Variants in BEND6 observed in about 807,000 individuals in gnomAD.
The protein encoded by BEND6 is BEN domain containing 6.
A neutral mutation model predicts 31.8 loss-of-function variants in BEND6; 24 were observed. The observed-to-expected ratio is 0.75, with a 90% CI of 0.55 to 1.06. The LOEUF is 1.06. BEND6 is among the 50% of genes least tolerant of loss of function. BEND6 has a pLI of 0.00. For synonymous variants in BEND6, 109 were observed against 114.6 expected, an observed-to-expected ratio of 0.95 and a Z score of 0.31; for missense variants, 294 against 327.4, an observed-to-expected ratio of 0.90 and a Z score of 0.79.
At chr6:56,956,015 A>C (rs1190579416) in intron 1 of BEND6, among the ~76,000 whole-genome samples, 5 of 152,232 alleles carry the variant, frequency 3.3e-5, no homozygotes, top group Admixed American at 6.5e-5. Flanking sequence ...GGCCACGGCC[A>C]CCTGGCCAGG....
chr6:57,018,567 T>C lies in BEND6; in HGVS notation c.*9+10T>C, dbSNP rs769781166. 3.3e-6 allele frequency: 5 copies of C among 1,502,358 alleles called. No homozygotes were observed. The highest frequency in any genetic ancestry group is 1.8e-4 in the Middle Eastern group (1 of 5,570). 93.1% of individuals were successfully genotyped at this position (1,502,358 alleles called of 1,614,324 possible). On this transcript the variant is annotated intron_variant, in intron 6 of 6. Coordinates refer to ENST00000370746, the MANE Select transcript of BEND6 (RefSeq NM_152731.3). ...TAAATAGATCCTTTTGGTAAGTCTT[T>C]TAAATCTTCAGTCCTTTCAATGTGG...
At chr6:56,966,760 G>A (rs908508458) in intron 1 of BEND6, among the ~76,000 whole-genome samples, 1 of 152,156 alleles carries the variant, frequency 6.6e-6, no homozygotes, top group Non-Finnish European at 1.5e-5. Context: ...CAAAGGCTGG[G>A]TCATTTAGCA....
At chr6:56,981,668 T>C in intron 1 of BEND6, 43 bp from the exon 2 acceptor site, 2 of 835,954 alleles carry the variant, frequency 2.4e-6, no homozygotes, top group South Asian at 3.2e-5. Context: ...AAACATACAG[T>C]TGTGAATATG....
At chr6:57,017,080 T>A (rs923608327) in intron 4 of BEND6, 127 bp from the exon 5 acceptor site, 5 of 309,604 alleles carry the variant, frequency 1.6e-5, no homozygotes, top group African/African-American at 8.9e-5. Flanking sequence ...TATATTAAAA[T>A]ATATATATAA....
intron 3 of BEND6, among the ~76,000 whole-genome samples, chr6:57,013,595 C>T (rs1187369352): frequency 6.6e-6 from 1 of 152,122 alleles, no homozygotes; most frequent in Non-Finnish European, 1.5e-5. Context: ...TGACTTGGCC[C>T]CACCGTGAGT....
Position 57,017,407 on chromosome 6 carries a change from T to C in BEND6, c.712+8T>C. On this transcript the variant is annotated splice_region_variant and intron_variant, in intron 5 of 6. Coordinates refer to ENST00000370746, the MANE Select transcript of BEND6 (RefSeq NM_152731.3). Reference sequence around the variant, plus strand: ...AAGTCCAAGAAATCATAGGTGATAATATGATTGCGTTATATTGTCGTATGA... The same window carrying C: ...AAGTCCAAGAAATCATAGGTGATAACATGATTGCGTTATATTGTCGTATGA... 1 of 1,339,302 alleles carries C rather than the reference T, an allele frequency of 7.5e-7. No homozygotes were observed. Among genetic ancestry groups the C allele is most frequent in the Non-Finnish European group, 9.7e-7 (1 of 1,034,648 alleles). 83.0% of individuals were successfully genotyped at this position (1,339,302 alleles called of 1,614,324 possible).
chr6:57,001,028 G>A (rs1323911890), intron 3 of BEND6, among the ~76,000 whole-genome samples: 3 of 150,068 alleles, frequency 2.0e-5, no homozygotes, highest in African/African-American at 4.9e-5. Flanking sequence ...GAAAAAAAAA[G>A]AAAAAAATCA....
chr6:56,965,765 A>G (rs749836851), intron 1 of BEND6, among the ~76,000 whole-genome samples: 11 of 150,892 alleles, frequency 7.3e-5, no homozygotes, highest in Non-Finnish European at 1.6e-4. Context: ...TCATCTTTTC[A>G]TATTATAATT....
At chr6:56,965,187 GT>G (rs199946205) in intron 1 of BEND6, among the ~76,000 whole-genome samples, 1 of 151,938 alleles carries the variant, frequency 6.6e-6, no homozygotes, top group Admixed American at 6.6e-5. Flanking sequence ...CTGATCATTT[GT>G]TTTTTTTAAA....
chr6:56,995,106 T>G (rs1296758513), intron 3 of BEND6, among the ~76,000 whole-genome samples: 2 of 152,048 alleles, frequency 1.3e-5, no homozygotes. Flanking sequence ...TCCCATCCCC[T>G]TTTTTGTAAT....
At chr6:57,013,325 G>T (rs1040508717) in intron 3 of BEND6, among the ~76,000 whole-genome samples, 3 of 152,186 alleles carry the variant, frequency 2.0e-5, no homozygotes, top group Non-Finnish European at 4.4e-5. Flanking sequence ...GAGTCTGGGA[G>T]GTTTCCACAT....
At chr6:56,990,467 G>A (rs777756260) in intron 2 of BEND6, among the ~76,000 whole-genome samples, 2 of 151,962 alleles carry the variant, frequency 1.3e-5, no homozygotes, top group Non-Finnish European at 2.9e-5. Flanking sequence ...GGCTGGTCTT[G>A]AACTTCTGCG....
rs547876410 is a variant in BEND6, at chr6:57,027,321, A to G, written c.*1249A>G. 1 of 152,366 alleles carries G rather than the reference A, an allele frequency of 6.6e-6. No homozygotes were observed. The highest frequency in any genetic ancestry group is 1.9e-4 in the East Asian group (1 of 5,192). 9.4% of individuals were successfully genotyped at this position (152,366 alleles called of 1,614,324 possible). ...ACATTTGCTACCTTTATGTAAACAT[A>G]AATAAATCCCATTTAAAAGATAAAA... On this transcript the variant is annotated 3_prime_UTR_variant, in exon 7 of 7. Transcript: ENST00000370746.
chr6:56,983,631 A>G (rs920424615), intron 2 of BEND6, among the ~76,000 whole-genome samples: 3 of 152,308 alleles, frequency 2.0e-5, no homozygotes, highest in African/African-American at 7.2e-5. Flanking sequence ...TGTGGCAAAT[A>G]GCAAGATCTT....
In BEND6 at chr6:57,018,553, T is replaced by C. The variant is rs1312831384; in HGVS notation, c.*5T>C. 2 of 1,518,850 alleles carry C rather than the reference T, an allele frequency of 1.3e-6. No individual in the cohort carries two copies. The highest frequency in any genetic ancestry group is 1.8e-6 in the Non-Finnish European group (2 of 1,140,296). 94.1% of individuals were successfully genotyped at this position (1,518,850 alleles called of 1,614,324 possible). ...AACTCTCAGGATATTAAATAGATCCTTTTGGTAAGTCTTTTAAATCTTCAG... is the reference window on the plus strand; with the variant it reads ...AACTCTCAGGATATTAAATAGATCCCTTTGGTAAGTCTTTTAAATCTTCAG... On this transcript the variant is annotated 3_prime_UTR_variant, in exon 6 of 7. Transcript: ENST00000370746.
At chr6:56,988,406 G>A (rs1400394026) in intron 2 of BEND6, among the ~76,000 whole-genome samples, 1 of 152,016 alleles carries the variant, frequency 6.6e-6, no homozygotes, top group Non-Finnish European at 1.5e-5. Context: ...TCAGTCAGAA[G>A]GTTGTGAATA....
At chr6:57,020,227 A>C (rs1481614971) in intron 6 of BEND6, among the ~76,000 whole-genome samples, 1 of 151,914 alleles carries the variant, frequency 6.6e-6, no homozygotes, top group Non-Finnish European at 1.5e-5. Context: ...TCCTATTTTG[A>C]CATGAGGTTA....
At chr6:57,007,216 A>C (rs1419785939) in intron 3 of BEND6, among the ~76,000 whole-genome samples, 2 of 151,932 alleles carry the variant, frequency 1.3e-5, no homozygotes, top group Non-Finnish European at 2.9e-5. Flanking sequence ...TGAGTCCAGG[A>C]AGTTGAGGCT....
At chr6:56,966,255 C>T (rs927575911) in intron 1 of BEND6, among the ~76,000 whole-genome samples, 7 of 152,294 alleles carry the variant, frequency 4.6e-5, no homozygotes, top group Middle Eastern at 3.4e-3. Context: ...GCACTTGCCA[C>T]CACGCCTGGC....
Sources: gnomAD v4.1 joint callset for allele counts (sites outside exome capture counted in the v4.1 genomes callset) on GRCh38, gnomAD v4.1.1 for gene constraint, MANE v1.5 for transcripts, NCBI Gene and HGNC (gene_info 2026-07-23, HGNC 2026-07-21) for gene names.